The following COL23A1 variants were observed in gnomAD, a reference collection of about 807,000 sequenced individuals.
COL23A1 encodes the protein collagen type XXIII alpha 1 chain.
In COL23A1, 97 loss-of-function variants were observed where a neutral mutation model predicts 99.3. The ratio of observed to expected loss-of-function variants is 0.98; its 90% confidence interval spans 0.83 to 1.16. COL23A1 has a LOEUF of 1.16. Among genes scored for constraint, COL23A1 ranks in the 50% most tolerant of loss-of-function variants. The pLI is 0.00. For missense variants in COL23A1, 762 were observed against 757.4 expected, an observed-to-expected ratio of 1.01 and a Z score of -0.07; for synonymous variants, 320 against 308.2, an observed-to-expected ratio of 1.04 and a Z score of -0.40.
chr5:178,559,993 G>C (rs751520712), intron 2 of COL23A1, among the ~76,000 whole-genome samples: 2 of 152,178 alleles, frequency 1.3e-5, no homozygotes, highest in East Asian at 3.9e-4. Context: ...CATTCTAAGG[G>C]AGGGTCATTC....
At chr5:178,323,290 G>C (rs994814901) in intron 2 of COL23A1, among the ~76,000 whole-genome samples, 6 of 152,130 alleles carry the variant, frequency 3.9e-5, no homozygotes, top group African/African-American at 1.4e-4. Context: ...CTGAGCTCTT[G>C]CCCTTTCCAG....
chr5:178,567,844 A>G (rs995547881), intron 1 of COL23A1, among the ~76,000 whole-genome samples: 4 of 152,274 alleles, frequency 2.6e-5, no homozygotes, highest in African/African-American at 9.6e-5. Context: ...GATTGAATAA[A>G]TAAATGGAGA....
chr5:178,363,701 G>A (rs1193500341), intron 2 of COL23A1, among the ~76,000 whole-genome samples: 1 of 152,138 alleles, frequency 6.6e-6, no homozygotes, highest in Admixed American at 6.5e-5. Context: ...CCTCCCCACC[G>A]GCTGTGGGTG....
chr5:178,293,332 G>A (rs1215179514), intron 3 of COL23A1, among the ~76,000 whole-genome samples: 4 of 152,272 alleles, frequency 2.6e-5, no homozygotes, highest in African/African-American at 9.6e-5. Context: ...CAGTCCATCT[G>A]TGGAGATGGC....
At chr5:178,327,761 C>A (rs1470711844) in intron 2 of COL23A1, among the ~76,000 whole-genome samples, 1 of 152,148 alleles carries the variant, frequency 6.6e-6, no homozygotes, top group Non-Finnish European at 1.5e-5. Flanking sequence ...AACCACTGGG[C>A]TACCTGCTCC....
chr5:178,443,414 G>A (rs992941618), intron 2 of COL23A1, among the ~76,000 whole-genome samples: 3 of 152,166 alleles, frequency 2.0e-5, no homozygotes, highest in African/African-American at 4.8e-5. Flanking sequence ...TACGAAAAAC[G>A]AAAATCTTCT....
intron 2 of COL23A1, among the ~76,000 whole-genome samples, chr5:178,556,440 TG>T (rs904358078): frequency 8.6e-5 from 13 of 151,882 alleles, no homozygotes; most frequent in Admixed American, 7.2e-4. Context: ...CTGGCCAACA[TG>T]GTGAAACCCC....
chr5:178,562,411 G>A lies in COL23A1; in HGVS notation c.295-1663C>T, dbSNP rs182970224. 3.4e-3 allele frequency among the ~76,000 whole-genome samples: 509 copies of A among 151,208 alleles called. 5 individuals are homozygous for A. The highest frequency in any genetic ancestry group is 0.012 in the African/African-American group (476 of 41,152). ...CCACTAAAAATACAAAAAATTAGCC[G>A]GGCGTGGTGGCGGGCGCCTGTAGTC... On this transcript the variant is annotated intron_variant, in intron 1 of 28. Transcript: ENST00000390654.
intron 2 of COL23A1, among the ~76,000 whole-genome samples, chr5:178,501,804 G>A (rs1193440889): frequency 6.6e-6 from 1 of 152,168 alleles, no homozygotes; most frequent in Non-Finnish European, 1.5e-5. Flanking sequence ...GGCACCACTG[G>A]AGACCAGGAA....
intron 2 of COL23A1, among the ~76,000 whole-genome samples, chr5:178,343,138 G>A (rs149882396): frequency 0.02 from 3,035 of 152,306 alleles, 36 homozygotes; most frequent in South Asian, 0.043. Context: ...GGCCCTAGAA[G>A]TTGGCCACAT....
At chr5:178,562,058 C>G (rs1762588424) in intron 1 of COL23A1, 1 of 532,374 alleles carries the variant, frequency 1.9e-6, no homozygotes, top group African/African-American at 1.9e-5. Flanking sequence ...TTGGTTCCTG[C>G]CGGTGGGTTC....
intron 6 of COL23A1, among the ~76,000 whole-genome samples, chr5:178,269,825 A>G (rs1756184350): frequency 6.6e-6 from 1 of 151,862 alleles, no homozygotes; most frequent in Non-Finnish European, 1.5e-5. Flanking sequence ...CCATCCATCT[A>G]TATATCTACC....
At chr5:178,505,308 G>A (rs1758802137) in intron 2 of COL23A1, among the ~76,000 whole-genome samples, 1 of 151,406 alleles carries the variant, frequency 6.6e-6, no homozygotes, top group African/African-American at 2.4e-5. Context: ...AGAGTGCAGT[G>A]GCACGATCTC....
At chr5:178,263,949 T>A (rs910048861) in intron 8 of COL23A1, among the ~76,000 whole-genome samples, 3 of 152,150 alleles carry the variant, frequency 2.0e-5, no homozygotes, top group Admixed American at 6.5e-5. Context: ...GTGGAAAAAG[T>A]CCATCTCCAA....
At chr5:178,353,939 T>TA (rs74274474) in intron 2 of COL23A1, among the ~76,000 whole-genome samples, 119 of 142,614 alleles carry the variant, frequency 8.3e-4, no homozygotes, top group East Asian at 5.0e-3. Context: ...ACCGTTGAGT[T>TA]AAAAAAAAAA....
chr5:178,402,966 G>A (rs1399115780), intron 2 of COL23A1, among the ~76,000 whole-genome samples: 2 of 151,426 alleles, frequency 1.3e-5, no homozygotes, highest in African/African-American at 2.4e-5. Context: ...AAATTAGCCA[G>A]GCGTGGCAGT....
At chr5:178,314,368 AGTCTTC>A (rs1013282160) in intron 2 of COL23A1, among the ~76,000 whole-genome samples, 3 of 152,134 alleles carry the variant, frequency 2.0e-5, no homozygotes, top group Non-Finnish European at 4.4e-5. Flanking sequence ...GCACCGCCAT[AGTCTTC>A]GTCTTCGTCA....
At chr5:178,533,567 G>A (rs1395789384) in intron 2 of COL23A1, among the ~76,000 whole-genome samples, 5 of 152,026 alleles carry the variant, frequency 3.3e-5, no homozygotes, top group Admixed American at 6.6e-5. Context: ...GCGTGATCTC[G>A]GCTCACTGCA....
intron 6 of COL23A1, among the ~76,000 whole-genome samples, 195 bp downstream of exon 6, chr5:178,270,142 T>G (rs114931626): frequency 0.013 from 1,963 of 152,142 alleles, 49 homozygotes; most frequent in African/African-American, 0.045. Flanking sequence ...GCTTGGGAGG[T>G]TAAGGAGGCC....
Sources: allele counts gnomAD v4.1 joint callset (sites outside exome capture counted in the v4.1 genomes callset), GRCh38; gene constraint gnomAD v4.1.1; transcripts MANE v1.5; gene names NCBI Gene and HGNC (gene_info 2026-07-23, HGNC 2026-07-21).